NOP9: variants seen among roughly 807,000 people sequenced by gnomAD.
The protein encoded by NOP9 is NOP9 nucleolar protein.
A neutral mutation model predicts 63.0 loss-of-function variants in NOP9; 50 were observed. The ratio of observed to expected loss-of-function variants is 0.79; its 90% CI spans 0.63 to 1.00. NOP9 has a LOEUF of 1.00. Among genes scored for constraint, NOP9 ranks in the 50% least tolerant of loss-of-function variants. NOP9 has a pLI of 0.00. For missense variants in NOP9, 758 were observed against 803.0 expected, an observed-to-expected ratio of 0.94 and a Z score of 0.68; for synonymous variants, 343 against 332.8, an observed-to-expected ratio of 1.03 and a Z score of -0.33.
At chr14:24,277,039 T>C in the NOP9 span, among the ~76,000 whole-genome samples, 1 of 152,070 alleles carries the variant, frequency 6.6e-6, no homozygotes, top group Non-Finnish European at 1.5e-5. Context: ...TCCCTGTGGC[T>C]GTGGGGGGGC....
upstream of NOP9, chr14:24,299,708 C>T: frequency 4.3e-6 from 2 of 468,356 alleles, no homozygotes; most frequent in South Asian, 4.2e-5. Flanking sequence ...GGACCCGGGG[C>T]GATTCTGTGC....
At chr14:24,287,015 G>A in the NOP9 span, among the ~76,000 whole-genome samples, 14 of 152,138 alleles carry the variant, frequency 9.2e-5, no homozygotes, top group South Asian at 6.2e-4. Flanking sequence ...TCAGCTTCCC[G>A]AGAAGCTGGG....
At chr14:24,299,404 T>A (rs572589667), upstream of NOP9, 393 of 299,282 alleles carry the variant, frequency 1.3e-3, 1 homozygote, top group Middle Eastern at 1.9e-3. Context: ...TGCCTGGATA[T>A]GGGAATCTGG....
In NOP9 at chr14:24,303,818, A is replaced by G; in HGVS notation, c.1371A>G (p.Gly457=). 6.2e-7 allele frequency: 1 copy of G among 1,614,126 alleles called. No individual in the cohort carries two copies. The highest frequency in any genetic ancestry group is 8.5e-7 in the Non-Finnish European group (1 of 1,180,010). The change falls in exon 7 of 10, where the codon GGA becomes GGG. Residue 457 remains glycine (G), a synonymous_variant. Coordinates refer to ENST00000267425, the MANE Select transcript of NOP9 (RefSeq NM_174913.3). Reference sequence around the variant, plus strand: ...TGATGGCTTATGAGGTGTACTATGGACTGACGGAGGAGGAGGGGGCAGTGC... The same window carrying G: ...TGATGGCTTATGAGGTGTACTATGGGCTGACGGAGGAGGAGGGGGCAGTGC... ...ATLMAYEVYY[G]LTEEEGAVPA... is the part of the protein sequence containing the mutation.
In NOP9 at chr14:24,300,867, A is replaced by G; in HGVS notation, c.697+10A>G. ...GGTTCCCAATCATCTGGTAAGTATTACAAGAGGAAAGTGGACCTAGGGGGA... is the reference window on the plus strand; with the variant it reads ...GGTTCCCAATCATCTGGTAAGTATTGCAAGAGGAAAGTGGACCTAGGGGGA... On this transcript the variant is annotated intron_variant, in intron 2 of 9. Coordinates refer to ENST00000267425, the MANE Select transcript of NOP9 (RefSeq NM_174913.3). The G allele has an allele frequency of 1.1e-5, 18 of 1,601,326 alleles. No individual in the cohort carries two copies. The highest frequency in any genetic ancestry group is 1.5e-5 in the Non-Finnish European group (18 of 1,171,818).
Position 24,304,120 on chromosome 14 carries a change from C to T in NOP9, c.1490C>T (p.Ser497Phe). The T allele has an allele frequency of 6.2e-7, 1 of 1,614,258 alleles. No individual in the cohort carries two copies. The highest frequency in any genetic ancestry group is 8.5e-7 in the Non-Finnish European group (1 of 1,180,040). Residue 497 changes from serine (S) to phenylalanine (F), a missense_variant, in exon 8 of 10, where the codon TCC becomes TTC. By Grantham distance (155) the Ser-to-Phe change is radical. Transcript: ENST00000267425. ...SLLLQHLLHF[S>F]TPGLVLRSLG... Reference sequence around the variant, plus strand: ...CTGCTCCAGCATCTGCTGCACTTCTCCACTCCTGGTCTTGTACTTCGAAGT... The same window carrying T: ...CTGCTCCAGCATCTGCTGCACTTCTTCACTCCTGGTCTTGTACTTCGAAGT...
chr14:24,302,129 G>T, intron 4 of NOP9, 23 bp downstream of exon 4: 1 of 1,607,142 alleles, frequency 6.2e-7, no homozygotes, highest in Non-Finnish European at 8.5e-7. Context: ...CCTCAGGATC[G>T]ACCCAAGTTG....
In NOP9 at chr14:24,301,249, T is replaced by TA. The variant is rs980555270; in HGVS notation, c.698-355dup. On this transcript the variant is annotated intron_variant, in intron 2 of 9. Transcript: ENST00000267425. ...CAAAACTATTCTGCTCTATTTCATT[T>TA]AAAAAAAATGCTAGTTGAGACCACT... Among the ~76,000 whole-genome samples, 7 of 152,116 alleles carry TA rather than the reference T, an allele frequency of 4.6e-5. 1 individual carries two copies. Among genetic ancestry groups the TA allele is most frequent in the Middle Eastern group, 6.8e-3 (2 of 294 alleles).
chr14:24,300,226 A>G (rs1485471575), intron 1 of NOP9, 25 bp downstream of exon 1: 3 of 1,608,142 alleles, frequency 1.9e-6, no homozygotes, highest in Non-Finnish European at 1.7e-6. Context: ...CGGGGTTTAG[A>G]CCAAGAGCAT....
At chr14:24,274,266 T>C in the NOP9 span, among the ~76,000 whole-genome samples, 2 of 152,084 alleles carry the variant, frequency 1.3e-5, no homozygotes, top group South Asian at 4.1e-4. Context: ...ACTAATCACA[T>C]TGTGATTAGC....
chr14:24,295,128 G>A (rs778994412), upstream of NOP9, among the ~76,000 whole-genome samples: 1 of 152,088 alleles, frequency 6.6e-6, no homozygotes, highest in Non-Finnish European at 1.5e-5. Flanking sequence ...TAAGGGATTA[G>A]AGAAATAAAT....
intron 6 of NOP9, among the ~76,000 whole-genome samples, 154 bp downstream of exon 6, chr14:24,303,368 C>T (rs999955044): frequency 8.7e-5 from 13 of 149,620 alleles, no homozygotes; most frequent in African/African-American, 2.7e-4. Context: ...TATAGGTGCC[C>T]GCCACCATAC....
At chr14:24,304,315 A>G in intron 8 of NOP9, 38 bp downstream of exon 8, 1 of 1,539,978 alleles carries the variant, frequency 6.5e-7, no homozygotes. Context: ...CCCCACCATC[A>G]TCCATTTAGA....
At chr14:24,294,885 G>A (rs998846797), upstream of NOP9, among the ~76,000 whole-genome samples, 1 of 152,200 alleles carries the variant, frequency 6.6e-6, no homozygotes, top group African/African-American at 2.4e-5. Context: ...CTGAGTGCAT[G>A]AGCTGACGCT....
rs529836533 is a variant in NOP9, at chr14:24,304,052, C to T, written c.1422C>T (p.Ala474=). 4.3e-5 allele frequency: 69 copies of T among 1,613,942 alleles called. No homozygotes were observed. The highest frequency in any genetic ancestry group is 2.0e-4 in the East Asian group (9 of 44,896). The change falls in exon 8 of 10, where the codon GCC becomes GCT. Residue 474 remains alanine, a synonymous_variant. Transcript: ENST00000267425. ...CTCTGCGCTGCCAGGTGGCAATGGC[C>T]GCAGCCAGAGCCTTGGGGGATGTGA... is the stretch of plus-strand genomic sequence containing the variant. The part of the protein sequence containing the change: ...AVPAEHQVAM[A]AARALGDVTV...
At chr14:24,275,375 G>A in the NOP9 span, among the ~76,000 whole-genome samples, 2 of 152,156 alleles carry the variant, frequency 1.3e-5, no homozygotes, top group Non-Finnish European at 2.9e-5. Context: ...GAAGCAACAG[G>A]GAATACAGTG....
intron 9 of NOP9, 104 bp from the exon 10 acceptor site, chr14:24,304,834 C>G: frequency 3.8e-6 from 5 of 1,309,228 alleles, no homozygotes; most frequent in Non-Finnish European, 5.2e-6. Flanking sequence ...TTCACTTTAT[C>G]CCAGTGGCAG....
chr14:24,290,878 A>T, the NOP9 span: 1 of 1,613,882 alleles, frequency 6.2e-7, no homozygotes, highest in Non-Finnish European at 8.5e-7. Flanking sequence ...GCTAGTGTAG[A>T]GGGCAATAAT....
In NOP9 at chr14:24,305,241, A is replaced by C; in HGVS notation, c.*146A>C. ...GAAATGTTTTTGTTAGTTTGAGGGGAAGGGTATGAAGACAGATCTCAAGGT... is the reference window on the plus strand; with the variant it reads ...GAAATGTTTTTGTTAGTTTGAGGGGCAGGGTATGAAGACAGATCTCAAGGT... On this transcript the variant is annotated 3_prime_UTR_variant, in exon 10 of 10. Transcript: ENST00000267425. 1.1e-6 allele frequency: 1 copy of C among 897,908 alleles called. No individual in the cohort carries two copies. The highest frequency in any genetic ancestry group is 1.6e-6 in the Non-Finnish European group (1 of 641,608). 55.6% of individuals were successfully genotyped at this position (897,908 alleles called of 1,614,324 possible).
Sources: gnomAD v4.1 joint callset for allele counts (sites outside exome capture counted in the v4.1 genomes callset) on GRCh38, gnomAD v4.1.1 for gene constraint, MANE v1.5 for transcripts, NCBI Gene and HGNC (gene_info 2026-07-23, HGNC 2026-07-21) for gene names.